The following SPAG16 variants were observed in gnomAD, a reference collection of about 807,000 sequenced individuals.
The protein encoded by SPAG16 is sperm associated antigen 16.
Under a neutral mutation model 80.4 loss-of-function variants are expected in SPAG16, and 86 were observed. The ratio of observed to expected loss-of-function variants is 1.07; its 90% CI spans 0.90 to 1.28. The LOEUF (loss-of-function observed/expected upper bound fraction) is 1.28. Among genes scored for constraint, SPAG16 ranks in the 50% most tolerant of loss-of-function variants. The probability of loss-of-function intolerance (pLI) is 0.00; values close to 1 mark genes in which losing one functional copy is unlikely to be tolerated. For missense variants in SPAG16, 870 were observed against 765.3 expected (o/e 1.14, Z -1.61); for synonymous variants, 294 against 265.9 (o/e 1.11, Z -1.03).
At chr2:213,403,914 G>C (rs372043031) in intron 9 of SPAG16, among the ~76,000 whole-genome samples, 5 of 151,986 alleles carry the variant, frequency 3.3e-5, no homozygotes, top group African/African-American at 9.7e-5. Context: ...ACACCAATAA[G>C]AGACAAACAG....
At chr2:213,563,615 T>G (rs1172886044) in intron 10 of SPAG16, among the ~76,000 whole-genome samples, 1 of 152,214 alleles carries the variant, frequency 6.6e-6, no homozygotes, top group Admixed American at 6.5e-5. Context: ...GACCCCATCC[T>G]TATGAACTCA....
intron 10 of SPAG16, among the ~76,000 whole-genome samples, chr2:213,766,726 G>A (rs1297909116): frequency 6.6e-6 from 1 of 152,202 alleles, no homozygotes; most frequent in African/African-American, 2.4e-5. Flanking sequence ...AGGCTACTGA[G>A]TCAGAGTGGT....
At chr2:213,896,775 G>C (rs928696652) in intron 11 of SPAG16, among the ~76,000 whole-genome samples, 1 of 151,894 alleles carries the variant, frequency 6.6e-6, no homozygotes, top group African/African-American at 2.4e-5. Context: ...TATGTTAAGT[G>C]AAATAAGCCT....
chr2:213,976,099 CAGTG>C (rs1459024855), intron 12 of SPAG16, among the ~76,000 whole-genome samples: 1 of 120,476 alleles, frequency 8.3e-6, no homozygotes, highest in East Asian at 2.3e-4. Context: ...TGATCTAAGA[CAGTG>C]AGGGAGATAT....
chr2:213,703,949 C>T (rs1300729286), intron 10 of SPAG16, among the ~76,000 whole-genome samples: 3 of 152,148 alleles, frequency 2.0e-5, no homozygotes, highest in East Asian at 1.9e-4. Flanking sequence ...TTCAGCTCAG[C>T]GTCTGTTTCT....
chr2:214,106,221 A>G (rs1399235100), intron 13 of SPAG16, among the ~76,000 whole-genome samples: 2 of 152,192 alleles, frequency 1.3e-5, no homozygotes, highest in African/African-American at 4.8e-5. Context: ...ATCACTGTAT[A>G]TTAGTTCTCA....
intron 10 of SPAG16, among the ~76,000 whole-genome samples, chr2:213,510,692 A>G (rs2075190971): frequency 6.6e-6 from 1 of 152,196 alleles, no homozygotes; most frequent in South Asian, 2.1e-4. Flanking sequence ...TGGACTTAGT[A>G]CAGGCATAAT....
chr2:214,352,634 A>AGG (rs1698501761), intron 15 of SPAG16, among the ~76,000 whole-genome samples: 1 of 139,828 alleles, frequency 7.2e-6, no homozygotes, highest in African/African-American at 2.9e-5. Flanking sequence ...GATATTGATT[A>AGG]CAGCATTGAA....
intron 9 of SPAG16, among the ~76,000 whole-genome samples, chr2:213,425,476 C>G (rs1423875817): frequency 6.6e-6 from 1 of 151,698 alleles, no homozygotes; most frequent in Non-Finnish European, 1.5e-5. Flanking sequence ...AAAGTGAAAC[C>G]CCATCTCTAC....
intron 11 of SPAG16, among the ~76,000 whole-genome samples, chr2:213,869,327 T>C (rs72941175): frequency 0.59 from 80,678 of 137,182 alleles, 25,897 homozygotes; most frequent in South Asian, 0.85. Flanking sequence ...CACACACACA[T>C]GCAAAACTTT....
chr2:213,493,539 CAT>C (rs2074355145), intron 10 of SPAG16, among the ~76,000 whole-genome samples: 1 of 152,072 alleles, frequency 6.6e-6, no homozygotes, highest in Non-Finnish European at 1.5e-5. Context: ...CAGCCTAGAA[CAT>C]GTCTTTCAGT....
intron 15 of SPAG16, among the ~76,000 whole-genome samples, chr2:214,179,666 T>C (rs887876092): frequency 6.6e-6 from 1 of 151,576 alleles, no homozygotes; most frequent in African/African-American, 2.4e-5. Flanking sequence ...CTCAATAGAA[T>C]AGATATGAAT....
At chr2:213,937,590 A>G (rs904391855) in intron 12 of SPAG16, among the ~76,000 whole-genome samples, 1 of 152,058 alleles carries the variant, frequency 6.6e-6, no homozygotes, top group East Asian at 1.9e-4. Context: ...ATTACGGAGC[A>G]TAGACACATA....
intron 13 of SPAG16, among the ~76,000 whole-genome samples, chr2:214,066,740 T>A (rs2050548961): frequency 1.3e-5 from 2 of 152,028 alleles, no homozygotes; most frequent in South Asian, 4.1e-4. Context: ...AAAACATAAT[T>A]CTCCATATAA....
intron 10 of SPAG16, among the ~76,000 whole-genome samples, chr2:213,847,586 G>T (rs764218346): frequency 1.3e-5 from 2 of 152,136 alleles, no homozygotes; most frequent in Non-Finnish European, 2.9e-5. Context: ...CTAGCTCCGT[G>T]ATCCAAACAC....
chr2:214,330,468 A>G (rs73989426), intron 15 of SPAG16, among the ~76,000 whole-genome samples: 9,867 of 152,204 alleles, frequency 0.065, 1,042 homozygotes, highest in African/African-American at 0.22. Context: ...GAAGATCTGC[A>G]TCCAGGAGTC....
chr2:213,295,254 A>C (rs751414347), intron 1 of SPAG16, among the ~76,000 whole-genome samples: 1 of 152,170 alleles, frequency 6.6e-6, no homozygotes, highest in Non-Finnish European at 1.5e-5. Flanking sequence ...AATAACAACA[A>C]CAACAACAAG....
rs768039959 is a variant in SPAG16 at position 213,929,990 on chromosome 2, C to T, written c.1245C>T (p.Asp415=). The stretch of plus-strand genomic sequence containing the variant: ...ACAAATTGGCTACTTCAAGTGGTGA[C>T]ACTACAGTTAAATTATGGGATCTAT... ...SGDKLATSSG[D]TTVKLWDLCK... The change falls in exon 12 of 16, where the codon GAC becomes GAT. Residue 415 remains aspartate, a synonymous_variant. Transcript: ENST00000331683. 1.9e-5 allele frequency: 31 copies of T among 1,612,894 alleles called. No individual in the cohort carries two copies. The highest frequency in any genetic ancestry group is 2.5e-5 in the Non-Finnish European group (30 of 1,179,580).
At chr2:214,405,526 T>C (rs937159428) in intron 15 of SPAG16, among the ~76,000 whole-genome samples, 7 of 152,220 alleles carry the variant, frequency 4.6e-5, no homozygotes, top group Admixed American at 3.9e-4. Context: ...CTGGGCACAG[T>C]GGCTCATGCC....
Sources: gnomAD v4.1 joint callset for allele counts (sites outside exome capture counted in the v4.1 genomes callset) on GRCh38, gnomAD v4.1.1 for gene constraint, MANE v1.5 for transcripts, NCBI Gene and HGNC (gene_info 2026-07-23, HGNC 2026-07-21) for gene names.